IL1R1: variants seen among roughly 807,000 people sequenced by gnomAD.
IL1R1 encodes the protein interleukin 1 receptor type 1, also known as interleukin-1 receptor type 1.
Under a neutral mutation model 50.2 loss-of-function variants are expected in IL1R1, and 22 were observed. The observed-to-expected ratio is 0.44, with a 90% confidence interval of 0.31 to 0.63. The LOEUF (loss-of-function observed/expected upper bound fraction) is 0.63. Ranked by LOEUF, IL1R1 falls within the 20% of genes least tolerant of loss-of-function variation. The pLI is 0.07. For synonymous variants in IL1R1, 251 were observed against 236.7 expected (o/e 1.06, Z -0.55); for missense variants, 509 against 676.2 (o/e 0.75, Z 2.74).
intron 1 of IL1R1, among the ~76,000 whole-genome samples, chr2:102,093,600 A>G (rs997428370): frequency 1.1e-4 from 16 of 152,172 alleles, no homozygotes; most frequent in Admixed American, 2.6e-4. Context: ...AGTGATATTG[A>G]GCATTTTTTC....
chr2:102,119,673 G>A (rs1377065327), intron 1 of IL1R1, among the ~76,000 whole-genome samples: 1 of 152,132 alleles, frequency 6.6e-6, no homozygotes, highest in Non-Finnish European at 1.5e-5. Flanking sequence ...AGGTACAACT[G>A]ACAAACAATA....
rs74427073 is a variant in IL1R1, at chr2:102,081,147, G to A, written c.-84+10614G>A. Among the ~76,000 whole-genome samples, 41 of 152,190 alleles carry A rather than the reference G, an allele frequency of 2.7e-4. 1 individual carries two copies. The East Asian group carries it at 6.6e-3, about 24-fold the overall frequency. On this transcript the variant is annotated intron_variant, in intron 1 of 11. Coordinates refer to the IL1R1 transcript ENST00000409929. ...GAAATTGGATAGTGGTGATGGGTGC[G>A]CAACTCTATGAATATACTGAAACCC...
chr2:102,108,608 A>G (rs1390971124), intron 1 of IL1R1, among the ~76,000 whole-genome samples: 1 of 152,114 alleles, frequency 6.6e-6, no homozygotes, highest in Non-Finnish European at 1.5e-5. Context: ...TGTGGAGAAA[A>G]GAATATTCCA....
At chr2:102,090,812 C>CT (rs1217144270) in intron 1 of IL1R1, among the ~76,000 whole-genome samples, 2 of 151,836 alleles carry the variant, frequency 1.3e-5, no homozygotes, top group South Asian at 2.1e-4. Flanking sequence ...CCATATTCTG[C>CT]TTTTTTCTCT....
intron 11 of IL1R1, 33 bp from the exon 12 acceptor site, chr2:102,176,320 T>G (rs1255406157): frequency 1.3e-6 from 2 of 1,588,594 alleles, no homozygotes; most frequent in Admixed American, 3.5e-5. Context: ...TAAATAGAAT[T>G]TTACTTACTA....
At chr2:102,138,265 G>A (rs1682452446), upstream of IL1R1, among the ~76,000 whole-genome samples, 1 of 152,166 alleles carries the variant, frequency 6.6e-6, no homozygotes, top group African/African-American at 2.4e-5. Flanking sequence ...AAGTCTATTG[G>A]CCTCTGGAAC....
At chr2:102,125,113 A>C (rs1157656760) in intron 1 of IL1R1, among the ~76,000 whole-genome samples, 1 of 152,154 alleles carries the variant, frequency 6.6e-6, no homozygotes, top group Non-Finnish European at 1.5e-5. Flanking sequence ...GGCTGATGGC[A>C]GGGAACCTCT....
At chr2:102,154,856 T>A (rs1192043875) in intron 2 of IL1R1, among the ~76,000 whole-genome samples, 2 of 152,184 alleles carry the variant, frequency 1.3e-5, no homozygotes, top group African/African-American at 4.8e-5. Flanking sequence ...AGCCTCCCAC[T>A]CGGAACCCAC....
intron 1 of IL1R1, among the ~76,000 whole-genome samples, chr2:102,075,221 C>T (rs1678908347): frequency 6.6e-6 from 1 of 152,190 alleles, no homozygotes; most frequent in Non-Finnish European, 1.5e-5. Flanking sequence ...CTTCAACTCT[C>T]TGATCTCATC....
chr2:102,082,658 CAG>C (rs1432461754), intron 1 of IL1R1, among the ~76,000 whole-genome samples: 2 of 152,266 alleles, frequency 1.3e-5, no homozygotes, highest in African/African-American at 2.4e-5. Context: ...GCCCTGGAGA[CAG>C]AGAGTCTTAT....
At chr2:102,176,099 G>T (rs1340349898) in intron 11 of IL1R1, 9 of 467,082 alleles carry the variant, frequency 1.9e-5, no homozygotes, top group Non-Finnish European at 3.0e-5. Context: ...GGGTGAGAGG[G>T]TCACTTGAGC....
chr2:102,122,643 CA>C (rs1254645704), intron 1 of IL1R1, among the ~76,000 whole-genome samples: 2 of 152,194 alleles, frequency 1.3e-5, no homozygotes, highest in Non-Finnish European at 2.9e-5. Flanking sequence ...AACCCAAGAG[CA>C]AGGACATAGC....
At chr2:102,151,726 T>G (rs1683672572) in intron 1 of IL1R1, among the ~76,000 whole-genome samples, 1 of 152,230 alleles carries the variant, frequency 6.6e-6, no homozygotes, top group Non-Finnish European at 1.5e-5. Flanking sequence ...GGAGCAGATG[T>G]CTGCAAGGGC....
chr2:102,134,414 G>T (rs1345473826), intron 1 of IL1R1, among the ~76,000 whole-genome samples: 1 of 149,192 alleles, frequency 6.7e-6, no homozygotes, highest in African/African-American at 2.5e-5. Context: ...TTTCGCTCTT[G>T]TTGACCAGGC....
intron 1 of IL1R1, among the ~76,000 whole-genome samples, chr2:102,078,162 G>T (rs1326834064): frequency 2.6e-5 from 4 of 151,866 alleles, no homozygotes; most frequent in South Asian, 2.1e-4. Flanking sequence ...AACTAAAAAA[G>T]AAGAGAATAC....
upstream of IL1R1, among the ~76,000 whole-genome samples, chr2:102,101,726 T>C (rs1410631792): frequency 6.6e-6 from 1 of 152,196 alleles, no homozygotes; most frequent in Non-Finnish European, 1.5e-5. Flanking sequence ...CATTCTGGAG[T>C]TTGTCAAAGA....
chr2:102,128,892 T>G (rs987073567), intron 1 of IL1R1, among the ~76,000 whole-genome samples: 1 of 152,126 alleles, frequency 6.6e-6, no homozygotes. Context: ...CTCTAGGATG[T>G]CTGTTGCTGT....
chr2:102,090,143 T>G (rs962075329), intron 1 of IL1R1, among the ~76,000 whole-genome samples: 1 of 151,384 alleles, frequency 6.6e-6, no homozygotes, highest in Admixed American at 6.6e-5. Context: ...CTATCCTTTT[T>G]TTTTCAATTT....
At chr2:102,144,175 A>G (rs1682917524) in intron 1 of IL1R1, among the ~76,000 whole-genome samples, 1 of 152,230 alleles carries the variant, frequency 6.6e-6, no homozygotes, top group Non-Finnish European at 1.5e-5. Context: ...ATTTCATTTA[A>G]TATTCTGTAT....
Sources: allele counts gnomAD v4.1 joint callset (sites outside exome capture counted in the v4.1 genomes callset), GRCh38; gene constraint gnomAD v4.1.1; transcripts MANE v1.5; gene names NCBI Gene and HGNC (gene_info 2026-07-23, HGNC 2026-07-21).